CRB1: variants seen among roughly 807,000 people sequenced by gnomAD.
CRB1 encodes protein crumbs homolog 1.
CRB1 carries 83 observed loss-of-function variants against 120.0 expected under a neutral mutation model. The ratio of observed to expected loss-of-function variants is 0.69; its 90% CI spans 0.58 to 0.83. The LOEUF (loss-of-function observed/expected upper bound fraction) is 0.83. Ranked by LOEUF, CRB1 falls within the 40% of genes least tolerant of loss-of-function variation. CRB1 has a pLI of 0.00. For missense variants in CRB1, 1,699 were observed against 1,687.6 expected (o/e 1.01, Z -0.12); for synonymous variants, 625 against 612.5 (o/e 1.02, Z -0.30).
At chr1:197,465,067 A>G (rs2125554131) in intron 11 of CRB1, among the ~76,000 whole-genome samples, 1 of 152,332 alleles carries the variant, frequency 6.6e-6, no homozygotes, top group Middle Eastern at 3.4e-3. Flanking sequence ...TGTGAATATC[A>G]TAATTACCCT....
At chr1:197,355,401 C>T (rs1443277643) in intron 4 of CRB1, among the ~76,000 whole-genome samples, 3 of 152,240 alleles carry the variant, frequency 2.0e-5, no homozygotes, top group African/African-American at 7.2e-5. Context: ...GCTGGCACTC[C>T]TCAGCCCTTG....
chr1:197,267,831 A>T (rs114543823), upstream of CRB1, among the ~76,000 whole-genome samples: 1,016 of 152,306 alleles, frequency 6.7e-3, 8 homozygotes, highest in African/African-American at 0.023. Context: ...TGATCTTCAG[A>T]ACTCTGTTCA....
At chr1:197,342,721 A>G (rs150317532) in intron 2 of CRB1, among the ~76,000 whole-genome samples, 44 of 152,270 alleles carry the variant, frequency 2.9e-4, no homozygotes, top group African/African-American at 1.1e-3. Context: ...CTTTTCAAAC[A>G]TTTTTTATTC....
chr1:197,468,648 C>T (rs865997053), intron 11 of CRB1, among the ~76,000 whole-genome samples: 45 of 152,056 alleles, frequency 3.0e-4, no homozygotes, highest in African/African-American at 1.0e-3. Flanking sequence ...AATAGTCATG[C>T]CTTACAGTCC....
chr1:197,288,711 A>T (rs1449151383), intron 1 of CRB1, among the ~76,000 whole-genome samples: 2 of 151,902 alleles, frequency 1.3e-5, no homozygotes, highest in Non-Finnish European at 2.9e-5. Context: ...GAAGAGATGA[A>T]TGACAAATTA....
chr1:197,280,910 G>A (rs1256739672), intron 1 of CRB1, among the ~76,000 whole-genome samples: 1 of 151,826 alleles, frequency 6.6e-6, no homozygotes, highest in Non-Finnish European at 1.5e-5. Flanking sequence ...GAGATTGTAT[G>A]TATGACATCG....
chr1:197,318,833 G>A (rs1558050424), intron 1 of CRB1, among the ~76,000 whole-genome samples: 1 of 152,146 alleles, frequency 6.6e-6, no homozygotes, highest in East Asian at 1.9e-4. Context: ...CACAAGATAG[G>A]GAGGTTAGGG....
chr1:197,244,653 A>G, the CRB1 span, among the ~76,000 whole-genome samples: 61 of 151,928 alleles, frequency 4.0e-4, no homozygotes, highest in South Asian at 0.012. Context: ...ATTTGAGTAT[A>G]TTCTGTTTGG....
chr1:197,354,972 C>T (rs955001967), intron 4 of CRB1, among the ~76,000 whole-genome samples: 2 of 150,828 alleles, frequency 1.3e-5, no homozygotes, highest in South Asian at 2.1e-4. Context: ...TTTCAAACCT[C>T]GAGCTAGACA....
intron 11 of CRB1, among the ~76,000 whole-genome samples, chr1:197,449,066 C>G (rs1036480309): frequency 5.3e-5 from 8 of 152,174 alleles, no homozygotes; most frequent in African/African-American, 1.9e-4. Flanking sequence ...AATACAAATT[C>G]ATAGTGGTAT....
At chr1:197,222,926 C>T in the CRB1 span, 1 of 1,006,008 alleles carries the variant, frequency 9.9e-7, no homozygotes. Flanking sequence ...CTTCTAAAAT[C>T]CTGTTGACGC....
At chr1:197,290,012 C>T (rs1440337055) in intron 1 of CRB1, among the ~76,000 whole-genome samples, 1 of 151,434 alleles carries the variant, frequency 6.6e-6, no homozygotes, top group East Asian at 1.9e-4. Context: ...ATTTGTCAGT[C>T]TATCTTAAGG....
chr1:197,469,448 G>T (rs946864835), intron 11 of CRB1, among the ~76,000 whole-genome samples: 1 of 152,086 alleles, frequency 6.6e-6, no homozygotes, highest in Non-Finnish European at 1.5e-5. Context: ...TGCAGAGAGA[G>T]AAATTAGAAC....
At chr1:197,456,686 C>A (rs980094680) in intron 11 of CRB1, among the ~76,000 whole-genome samples, 9 of 152,044 alleles carry the variant, frequency 5.9e-5, no homozygotes, top group African/African-American at 2.2e-4. Context: ...CGAACCAATC[C>A]CAGATGCAGT....
chr1:197,314,001 C>T (rs1001105084), intron 1 of CRB1, among the ~76,000 whole-genome samples: 1 of 152,170 alleles, frequency 6.6e-6, no homozygotes, highest in Admixed American at 6.5e-5. Flanking sequence ...AGTTTAAAAA[C>T]GCCTGGCTAA....
At chr1:197,241,155 G>C in the CRB1 span, among the ~76,000 whole-genome samples, 1 of 152,130 alleles carries the variant, frequency 6.6e-6, no homozygotes, top group Non-Finnish European at 1.5e-5. Context: ...TAGGTTGCCT[G>C]TTCACTCTGA....
At chr1:197,324,590 T>G (rs1307864760) in intron 1 of CRB1, among the ~76,000 whole-genome samples, 1 of 152,174 alleles carries the variant, frequency 6.6e-6, no homozygotes, top group East Asian at 1.9e-4. Context: ...TTATAACAAC[T>G]CTATGAGATA....
chr1:197,273,288 C>A (rs1320560747), intron 1 of CRB1, among the ~76,000 whole-genome samples: 4 of 152,174 alleles, frequency 2.6e-5, no homozygotes, highest in Non-Finnish European at 5.9e-5. Flanking sequence ...ATGAAGACCA[C>A]AAAGGCAAAG....
intron 1 of CRB1, among the ~76,000 whole-genome samples, chr1:197,292,275 G>T (rs776202478): frequency 6.6e-6 from 1 of 152,104 alleles, no homozygotes; most frequent in Non-Finnish European, 1.5e-5. Flanking sequence ...TACCGTCAGA[G>T]AATACTATAA....
Sources: allele counts gnomAD v4.1 joint callset (sites outside exome capture counted in the v4.1 genomes callset), GRCh38; gene constraint gnomAD v4.1.1; transcripts MANE v1.5; gene names NCBI Gene and HGNC (gene_info 2026-07-23, HGNC 2026-07-21).